KIAA1217: variants seen among roughly 807,000 people sequenced by gnomAD.
KIAA1217 encodes sickle tail protein homolog.
Under a neutral mutation model 163.9 loss-of-function variants are expected in KIAA1217, and 88 were observed. The ratio of observed to expected loss-of-function variants is 0.54; its 90% CI spans 0.45 to 0.64. The LOEUF (loss-of-function observed/expected upper bound fraction) is 0.64. KIAA1217 is among the 30% of genes least tolerant of loss of function. The probability of loss-of-function intolerance (pLI) is 0.00; values close to 1 mark genes in which losing one functional copy is unlikely to be tolerated. For synonymous variants in KIAA1217, 903 were observed against 923.1 expected (o/e 0.98, Z 0.39); for missense variants, 2,372 against 2,475.0 (o/e 0.96, Z 0.88).
intron 2 of KIAA1217, among the ~76,000 whole-genome samples, chr10:24,185,963 TA>T (rs34129161): frequency 1.3e-3 from 188 of 144,368 alleles, no homozygotes; most frequent in Middle Eastern, 3.6e-3. Context: ...GGCTCTGTAT[TA>T]AAAAAAAAAA....
chr10:23,940,392 G>A (rs1418052157), intron 1 of KIAA1217, among the ~76,000 whole-genome samples: 4 of 149,510 alleles, frequency 2.7e-5, no homozygotes, highest in Non-Finnish European at 4.4e-5. Flanking sequence ...CCTGGGAGGC[G>A]GAGTTTGCAG....
intron 1 of KIAA1217, among the ~76,000 whole-genome samples, chr10:23,715,173 GCCT>G (rs1837490290): frequency 6.6e-6 from 1 of 152,172 alleles, no homozygotes; most frequent in Admixed American, 6.5e-5. Context: ...AGTTACTTTA[GCCT>G]CCTCTTACTC....
intron 1 of KIAA1217, among the ~76,000 whole-genome samples, chr10:23,893,612 T>C (rs866710609): frequency 1.4e-4 from 21 of 152,186 alleles, no homozygotes; most frequent in Middle Eastern, 6.8e-3. Flanking sequence ...CTTCCCTGCT[T>C]TCTCTTGTGG....
At chr10:24,210,093 C>G (rs2130613211) in intron 1 of KIAA1217, among the ~76,000 whole-genome samples, 1 of 152,146 alleles carries the variant, frequency 6.6e-6, no homozygotes, top group South Asian at 2.1e-4. Context: ...CCCACCCTCC[C>G]TCAGGTTCAT....
intron 1 of KIAA1217, among the ~76,000 whole-genome samples, chr10:24,002,481 C>T (rs1239658920): frequency 6.6e-6 from 1 of 152,158 alleles, no homozygotes; most frequent in Non-Finnish European, 1.5e-5. Context: ...TCCAGGCCTC[C>T]TCAGATGCCC....
intron 5 of KIAA1217, among the ~76,000 whole-genome samples, chr10:24,460,358 AT>A (rs1330064898): frequency 6.6e-6 from 1 of 152,190 alleles, no homozygotes; most frequent in African/African-American, 2.4e-5. Context: ...AACTTCTTTT[AT>A]TTTTGAATAA....
intron 2 of KIAA1217, among the ~76,000 whole-genome samples, chr10:24,364,352 C>T (rs1235340465): frequency 1.3e-5 from 2 of 152,172 alleles, no homozygotes; most frequent in Admixed American, 6.5e-5. Context: ...AAATGCTCCA[C>T]GTTGATTTAG....
chr10:23,768,984 T>C (rs890272197), intron 1 of KIAA1217, among the ~76,000 whole-genome samples: 1 of 152,216 alleles, frequency 6.6e-6, no homozygotes, highest in African/African-American at 2.4e-5. Context: ...ATGGTGTAAC[T>C]GCCTAACAAG....
chr10:23,866,580 C>A (rs963197820), intron 1 of KIAA1217, among the ~76,000 whole-genome samples: 1 of 152,022 alleles, frequency 6.6e-6, no homozygotes, highest in Non-Finnish European at 1.5e-5. Context: ...CCAGGCTTAT[C>A]TCCCCCTCCT....
chr10:24,063,293 A>G (rs1420766382), intron 2 of KIAA1217, among the ~76,000 whole-genome samples: 1 of 152,080 alleles, frequency 6.6e-6, no homozygotes, highest in African/African-American at 2.4e-5. Context: ...TAAGTTTTTA[A>G]TCCATGTTGA....
chr10:24,461,735 A>C lies in KIAA1217; in HGVS notation c.847-11493A>C, dbSNP rs149776241. Among the ~76,000 whole-genome samples the C allele has an allele frequency of 1.0e-3, 155 of 152,374 alleles. 2 individuals carry two copies. The highest frequency in any genetic ancestry group is 3.6e-3 in the African/African-American group (149 of 41,598). ...ATGTTATATCATCAAACTAAAATAC[A>C]TATATACATTTTAATTCTCACGTTG... On this transcript the variant is annotated intron_variant, in intron 5 of 20. Coordinates refer to ENST00000376454, the MANE Select transcript of KIAA1217 (RefSeq NM_019590.5).
At chr10:24,200,417 A>C (rs1372822962) in intron 2 of KIAA1217, among the ~76,000 whole-genome samples, 1 of 151,978 alleles carries the variant, frequency 6.6e-6, no homozygotes, top group Non-Finnish European at 1.5e-5. Context: ...CCTCCCATGT[A>C]GCTAAGACTA....
chr10:24,523,837 A>G (rs1455311832), intron 12 of KIAA1217, among the ~76,000 whole-genome samples: 1 of 152,222 alleles, frequency 6.6e-6, no homozygotes, highest in Admixed American at 6.5e-5. Context: ...GAGGAAGTTG[A>G]GGAATAAACA....
At chr10:24,077,697 G>A (rs1215183277) in intron 2 of KIAA1217, among the ~76,000 whole-genome samples, 1 of 152,168 alleles carries the variant, frequency 6.6e-6, no homozygotes, top group Non-Finnish European at 1.5e-5. Context: ...ATGTATAACT[G>A]GTAACAGGAT....
chr10:23,777,209 A>T (rs892183294), intron 1 of KIAA1217, among the ~76,000 whole-genome samples: 1 of 152,246 alleles, frequency 6.6e-6, no homozygotes, highest in Non-Finnish European at 1.5e-5. Flanking sequence ...TTGCTTATAT[A>T]GGATAGAAAA....
chr10:23,764,545 A>G (rs1013330259), intron 1 of KIAA1217, among the ~76,000 whole-genome samples: 1 of 152,224 alleles, frequency 6.6e-6, no homozygotes, highest in Non-Finnish European at 1.5e-5. Flanking sequence ...GAACCAACCC[A>G]AATGCCCAGC....
chr10:24,490,368 C>T (rs1281383545), intron 6 of KIAA1217, among the ~76,000 whole-genome samples: 1 of 152,150 alleles, frequency 6.6e-6, no homozygotes, highest in Non-Finnish European at 1.5e-5. Context: ...AATAAAATGA[C>T]AGGGTTGTGT....
upstream of KIAA1217, among the ~76,000 whole-genome samples, chr10:24,205,996 T>G (rs1307340513): frequency 1.3e-5 from 2 of 152,222 alleles, no homozygotes; most frequent in Non-Finnish European, 2.9e-5. Flanking sequence ...CCATTTGTCT[T>G]TACAGCACTC....
intron 2 of KIAA1217, among the ~76,000 whole-genome samples, chr10:24,328,299 G>A (rs1564479284): frequency 6.6e-6 from 1 of 152,120 alleles, no homozygotes; most frequent in Non-Finnish European, 1.5e-5. Flanking sequence ...TAAGGGAGGG[G>A]AGTTGGTCAA....
Sources: allele counts gnomAD v4.1 joint callset (sites outside exome capture counted in the v4.1 genomes callset), GRCh38; gene constraint gnomAD v4.1.1; transcripts MANE v1.5; gene names NCBI Gene and HGNC (gene_info 2026-07-23, HGNC 2026-07-21).